Variants in IGF1 observed in about 807,000 individuals in gnomAD.
The protein encoded by IGF1 is insulin-like growth factor 1.
IGF1 carries 4 observed loss-of-function variants against 13.8 expected under a neutral mutation model. The ratio of observed to expected loss-of-function variants is 0.29; its 90% CI spans 0.14 to 0.66. The LOEUF is 0.66. Among genes scored for constraint, IGF1 ranks in the 30% least tolerant of loss-of-function variants. The probability of loss-of-function intolerance (pLI) is 0.78; values close to 1 mark genes in which losing one functional copy is unlikely to be tolerated. For synonymous variants in IGF1, 76 were observed against 72.6 expected, an observed-to-expected ratio of 1.05 and a Z score of -0.23; for missense variants, 124 against 188.5, an observed-to-expected ratio of 0.66 and a Z score of 2.00.
intron 2 of IGF1, among the ~76,000 whole-genome samples, chr12:102,443,695 T>C (rs1878062431): frequency 6.6e-6 from 1 of 152,054 alleles, no homozygotes; most frequent in Non-Finnish European, 1.5e-5. Context: ...GCTTTGTTCA[T>C]TGAATTAAGA....
chr12:102,402,306 A>G lies in IGF1; in HGVS notation c.*201T>C. 1 of 599,220 alleles carries G rather than the reference A, an allele frequency of 1.7e-6. No homozygotes were observed. Among genetic ancestry groups the G allele is most frequent in the South Asian group, 2.0e-5 (1 of 50,264 alleles). 37.1% of individuals were successfully genotyped at this position (599,220 alleles called of 1,614,324 possible). Reference sequence around the variant, plus strand: ...AGATCAACAGCAATCTACCAACTCCAGGACCATTTTTGCAAGGTGCAAATC... The same window carrying G: ...AGATCAACAGCAATCTACCAACTCCGGGACCATTTTTGCAAGGTGCAAATC... On this transcript the variant is annotated 3_prime_UTR_variant, in exon 4 of 4. Transcript: ENST00000337514.
intron 3 of IGF1, among the ~76,000 whole-genome samples, chr12:102,407,482 T>C (rs1874277025): frequency 6.6e-6 from 1 of 152,220 alleles, no homozygotes; most frequent in Non-Finnish European, 1.5e-5. Flanking sequence ...CTGTTTTATC[T>C]TTAAGGAATC....
intron 2 of IGF1, among the ~76,000 whole-genome samples, chr12:102,473,036 C>T (rs953943381): frequency 1.3e-5 from 2 of 152,106 alleles, no homozygotes; most frequent in African/African-American, 4.8e-5. Flanking sequence ...TTCAACTAGA[C>T]TCAATTCAAT....
intron 2 of IGF1, among the ~76,000 whole-genome samples, chr12:102,434,734 A>G (rs1877072595): frequency 6.6e-6 from 1 of 151,898 alleles, no homozygotes; most frequent in Non-Finnish European, 1.5e-5. Flanking sequence ...TGACTTCCAC[A>G]ATGGTTGAAC....
intron 2 of IGF1, among the ~76,000 whole-genome samples, chr12:102,473,814 T>C (rs947014210): frequency 6.6e-6 from 1 of 152,254 alleles, no homozygotes; most frequent in Admixed American, 6.5e-5. Flanking sequence ...CAAACACTTA[T>C]AAGTATCATA....
chr12:102,421,959 C>G (rs536112202), intron 2 of IGF1, among the ~76,000 whole-genome samples: 101 of 152,244 alleles, frequency 6.6e-4, no homozygotes, highest in Non-Finnish European at 1.0e-3. Flanking sequence ...TGACTGTAAA[C>G]AACCATGAAA....
chr12:102,438,951 A>T (rs1565982749), intron 2 of IGF1, among the ~76,000 whole-genome samples: 1 of 152,110 alleles, frequency 6.6e-6, no homozygotes, highest in Non-Finnish European at 1.5e-5. Context: ...GGTCTTGTTT[A>T]TTTGTTGCTT....
At chr12:102,453,780 G>A (rs142296980) in intron 2 of IGF1, among the ~76,000 whole-genome samples, 43 of 152,298 alleles carry the variant, frequency 2.8e-4, no homozygotes, top group African/African-American at 1.0e-3. Context: ...GGTACCATGC[G>A]TGCTTGAGTA....
rs1873383715 is a variant in IGF1 at position 102,398,153 on chromosome 12, C to T, written c.*4354G>A. 6.7e-6 allele frequency: 1 copy of T among 150,092 alleles called. No individual in the cohort carries two copies. The highest frequency in any genetic ancestry group is 2.5e-5 in the African/African-American group (1 of 40,814). The allele number at this position is 150,092 out of a possible 1,614,324, so 9.3% of individuals were successfully genotyped here. On this transcript the variant is annotated 3_prime_UTR_variant, in exon 4 of 4. Coordinates refer to ENST00000337514, the MANE Select transcript of IGF1 (RefSeq NM_000618.5). ...ACAGATTGTTAGCCATCTCTTTCAA[C>T]AATTTCTCATAAATTCTTTCTTTAT...
intron 1 of IGF1, among the ~76,000 whole-genome samples, chr12:102,476,410 T>TGAGAGAGA (rs36047405): frequency 0.021 from 2,977 of 139,098 alleles, 64 homozygotes; most frequent in Middle Eastern, 0.053. Context: ...TTCCTCAATA[T>TGAGAGAGA]GAGAGAGAGA....
chr12:102,430,905 C>A (rs1876683924), intron 2 of IGF1, among the ~76,000 whole-genome samples: 2 of 152,226 alleles, frequency 1.3e-5, no homozygotes, highest in Non-Finnish European at 2.9e-5. Flanking sequence ...AACATCTGTG[C>A]CTTCTTTTGC....
chr12:102,428,684 C>T (rs538200392), intron 2 of IGF1, among the ~76,000 whole-genome samples: 5 of 152,276 alleles, frequency 3.3e-5, no homozygotes, highest in South Asian at 2.1e-4. Context: ...TTCACAAAGC[C>T]GCATCTTCAT....
At chr12:102,452,351 G>T (rs1214063988) in intron 2 of IGF1, among the ~76,000 whole-genome samples, 1 of 145,952 alleles carries the variant, frequency 6.9e-6, no homozygotes, top group Admixed American at 6.9e-5. Context: ...ATGTGGAACT[G>T]TGAGTCAATT....
At chr12:102,450,974 C>G (rs1172115434) in intron 2 of IGF1, among the ~76,000 whole-genome samples, 2 of 152,122 alleles carry the variant, frequency 1.3e-5, no homozygotes, top group East Asian at 1.9e-4. Context: ...AGTCTGTTAA[C>G]CTGTTATAGT....
intron 2 of IGF1, 149 bp downstream of exon 2, chr12:102,475,494 G>T: frequency 1.1e-6 from 1 of 891,502 alleles, no homozygotes; most frequent in Non-Finnish European, 1.8e-6. Flanking sequence ...AAAACACTAT[G>T]CTTACTTTAA....
chr12:102,460,520 C>T (rs1359632269), intron 2 of IGF1, among the ~76,000 whole-genome samples: 1 of 152,236 alleles, frequency 6.6e-6, no homozygotes, highest in East Asian at 1.9e-4. Flanking sequence ...GAGCAGGTGC[C>T]CAGCTGATGA....
Position 102,402,216 on chromosome 12 carries a change from GC to G in IGF1, c.*290del, listed in dbSNP as rs1365474952. On this transcript the variant is annotated 3_prime_UTR_variant, in exon 4 of 4. Transcript: ENST00000337514. ...CCCATGCATTTGTGGCTCTTGAGAG[GC>G]AGGGACTAAGATATATATATATATA... is the stretch of plus-strand genomic sequence containing the variant. 5.2e-6 allele frequency: 1 copy of G among 191,054 alleles called. No individual in the cohort carries two copies. The highest frequency in any genetic ancestry group is 1.1e-5 in the Non-Finnish European group (1 of 94,266). The allele number at this position is 191,054 out of a possible 1,614,324, so 11.8% of individuals were successfully genotyped here. A position where few individuals can be genotyped will look rare whatever the true frequency, so the allele number is the denominator to read the frequency against.
intron 2 of IGF1, among the ~76,000 whole-genome samples, chr12:102,466,416 T>A (rs1880318703): frequency 6.6e-6 from 1 of 152,186 alleles, no homozygotes; most frequent in African/African-American, 2.4e-5. Flanking sequence ...TGGTCGTGAC[T>A]GGGAGGAAGG....
At chr12:102,436,588 G>A (rs761591655) in intron 2 of IGF1, among the ~76,000 whole-genome samples, 1 of 151,984 alleles carries the variant, frequency 6.6e-6, no homozygotes, top group Non-Finnish European at 1.5e-5. Flanking sequence ...ATCTTTTCAT[G>A]GATCATTCAA....
Sources: allele counts gnomAD v4.1 joint callset (sites outside exome capture counted in the v4.1 genomes callset), GRCh38; gene constraint gnomAD v4.1.1; transcripts MANE v1.5; gene names NCBI Gene and HGNC (gene_info 2026-07-23, HGNC 2026-07-21).